LOC400499: variants seen among roughly 807,000 people sequenced by gnomAD.
At chr16:11,454,394 A>T in the LOC400499 span, among the ~76,000 whole-genome samples, 2 of 152,264 alleles carry the variant, frequency 1.3e-5, no homozygotes, top group Non-Finnish European at 2.9e-5. Context: ...TGCAGATATC[A>T]TTAAGTCAAG....
the LOC400499 span, among the ~76,000 whole-genome samples, chr16:11,496,373 G>A: frequency 6.6e-6 from 1 of 152,164 alleles, no homozygotes; most frequent in Non-Finnish European, 1.5e-5. Flanking sequence ...GAGCTGCCCA[G>A]CTCTGTTCTT....
At chr16:11,446,156 G>A in the LOC400499 span, among the ~76,000 whole-genome samples, 4 of 149,448 alleles carry the variant, frequency 2.7e-5, no homozygotes, top group African/African-American at 4.9e-5. Context: ...AGGTTGGGGG[G>A]CGGGGGAGTG....
chr16:11,443,330 CAAAAAAAAAAAA>C, the LOC400499 span: 141 of 260,570 alleles, frequency 5.4e-4, no homozygotes, highest in Middle Eastern at 1.3e-3. Flanking sequence ...TCCTCAGTCT[CAAAAAAAAAAAA>C]AAAAAAAAAA....
chr16:11,450,482 G>C, the LOC400499 span: 2 of 847,728 alleles, frequency 2.4e-6, no homozygotes, highest in South Asian at 1.8e-5. Flanking sequence ...GGCACTGGGA[G>C]GGCCAGACTT....
chr16:11,514,655 C>T, the LOC400499 span: 2 of 398,208 alleles, frequency 5.0e-6, no homozygotes, highest in Non-Finnish European at 8.8e-6. Flanking sequence ...ACCCCCCATT[C>T]CCCACTCAGC....
the LOC400499 span, among the ~76,000 whole-genome samples, chr16:11,430,436 G>A: frequency 6.6e-6 from 1 of 152,158 alleles, no homozygotes; most frequent in Admixed American, 6.5e-5. Flanking sequence ...GTTGCAGTGA[G>A]CTGAGATTGC....
At chr16:11,394,884 T>C in the LOC400499 span, among the ~76,000 whole-genome samples, 1 of 152,232 alleles carries the variant, frequency 6.6e-6, no homozygotes, top group Non-Finnish European at 1.5e-5. Context: ...TTCTGGCCTC[T>C]AGAACTGTGA....
the LOC400499 span, among the ~76,000 whole-genome samples, chr16:11,498,892 G>T: frequency 2.0e-5 from 3 of 150,694 alleles, no homozygotes; most frequent in African/African-American, 7.3e-5. Context: ...TAGTCCCATT[G>T]TCCAGACGGG....
chr16:11,399,157 G>C, the LOC400499 span: 2 of 960,666 alleles, frequency 2.1e-6, no homozygotes, highest in Non-Finnish European at 2.5e-6. Context: ...CTGATGCCTC[G>C]GGGAACCGGA....
At chr16:11,475,611 C>A in the LOC400499 span, 2 of 398,952 alleles carry the variant, frequency 5.0e-6, no homozygotes, top group Non-Finnish European at 8.8e-6. Flanking sequence ...GTCATGGAGG[C>A]CCTGCTGCCT....
the LOC400499 span, chr16:11,390,292 C>G: frequency 2.4e-6 from 3 of 1,232,740 alleles, no homozygotes; most frequent in African/African-American, 1.6e-5. Flanking sequence ...CTCCAGGGCT[C>G]CTTTCATGGC....
the LOC400499 span, among the ~76,000 whole-genome samples, chr16:11,416,246 G>C: frequency 1.3e-5 from 2 of 151,962 alleles, no homozygotes; most frequent in South Asian, 4.2e-4. Context: ...CATTGCACCC[G>C]GCCCCCAAAA....
chr16:11,490,315 G>C, the LOC400499 span, among the ~76,000 whole-genome samples: 1 of 147,846 alleles, frequency 6.8e-6, no homozygotes, highest in Non-Finnish European at 1.5e-5. Flanking sequence ...GGAATTGCCT[G>C]AACCCAGAAG....
the LOC400499 span, among the ~76,000 whole-genome samples, chr16:11,497,635 G>T: frequency 6.6e-6 from 1 of 152,228 alleles, no homozygotes; most frequent in Admixed American, 6.5e-5. Context: ...AGATCTGTGA[G>T]CCACTTCCGG....
At chr16:11,373,107 C>G in the LOC400499 span, among the ~76,000 whole-genome samples, 367 of 152,300 alleles carry the variant, frequency 2.4e-3, no homozygotes, top group African/African-American at 8.4e-3. Flanking sequence ...GCACACGATG[C>G]TTTGAGAGCT....
chr16:11,458,865 T>C, the LOC400499 span, among the ~76,000 whole-genome samples: 2 of 151,686 alleles, frequency 1.3e-5, no homozygotes, highest in Non-Finnish European at 2.9e-5. Flanking sequence ...AGAAATCCCG[T>C]CTCTACTAAA....
chr16:11,466,557 T>G, the LOC400499 span, among the ~76,000 whole-genome samples: 1 of 151,886 alleles, frequency 6.6e-6, no homozygotes, highest in African/African-American at 2.4e-5. Flanking sequence ...CCCGGCTACT[T>G]TTTGTATTTT....
At chr16:11,384,328 G>A in the LOC400499 span, 74 of 1,229,780 alleles carry the variant, frequency 6.0e-5, no homozygotes, top group African/African-American at 1.0e-3. Flanking sequence ...GGATATGCCT[G>A]TGGGGAAGAG....
At chr16:11,527,257 A>T in the LOC400499 span, among the ~76,000 whole-genome samples, 1 of 152,134 alleles carries the variant, frequency 6.6e-6, no homozygotes, top group Non-Finnish European at 1.5e-5. Flanking sequence ...TTTTTCCCCA[A>T]AGAGGAGGGC....
Sources: gnomAD v4.1 joint callset for allele counts (sites outside exome capture counted in the v4.1 genomes callset) on GRCh38, gnomAD v4.1.1 for gene constraint, MANE v1.5 for transcripts.